TAF1: variants seen among roughly 807,000 people sequenced by gnomAD.
TAF1 encodes transcription initiation factor TFIID subunit 1.
TAF1 carries 2 observed loss-of-function variants against 138.5 expected under a neutral mutation model. The observed-to-expected ratio is 0.01, with a 90% confidence interval of 0.01 to 0.05. The LOEUF is 0.05. TAF1 is among the 10% of genes least tolerant of loss of function. The pLI is 1.00. For missense variants in TAF1, 709 were observed against 1,478.0 expected, an observed-to-expected ratio of 0.48 and a Z score of 8.53; for synonymous variants, 437 against 503.2, an observed-to-expected ratio of 0.87 and a Z score of 1.76.
intron 32 of TAF1, among the ~76,000 whole-genome samples, chrX:71,426,991 G>A (rs2036625187): frequency 8.9e-6 from 1 of 112,060 alleles, no homozygotes. Flanking sequence ...ATGATTATAA[G>A]ACTTTTCTCC....
chrX:71,406,110 C>T (rs767677995), intron 25 of TAF1, among the ~76,000 whole-genome samples: 1 of 110,174 alleles, frequency 9.1e-6, no homozygotes, highest in Admixed American at 9.7e-5. Flanking sequence ...GGGTGGATCA[C>T]TTGAGGTCAG....
At position 71,493,105 on chromosome X, in the gene TAF1, G is replaced by A. The variant is rs746537940; in HGVS notation, c.1366+32302G>A. The stretch of plus-strand genomic sequence containing the variant: ...GCGATCTTGGCTCACCACAACCTCC[G>A]CCTCCCGGGTTCAAGCGATTCTCCT... On this transcript the variant is annotated intron_variant and NMD_transcript_variant, in intron 13 of 14. Coordinates refer to the TAF1 transcript ENST00000373775. 9.1e-5 allele frequency: 10 copies of A among 109,735 alleles called. 1 individual carries two copies. In the South Asian group the frequency reaches 2.8e-3, roughly 30 times the overall value. The allele number at this position is 109,735 out of a possible 1,213,427, so 9.0% of individuals were successfully genotyped here. A position where few individuals can be genotyped will look rare whatever the true frequency, so the allele number is the denominator to read the frequency against.
At chrX:71,458,499 T>C (rs1317580747) in intron 35 of TAF1, 133 bp downstream of exon 35, 4 of 902,758 alleles carry the variant, frequency 4.4e-6, no homozygotes, top group Admixed American at 7.6e-5. Flanking sequence ...AATGAAAGCT[T>C]AGAAATGGGA....
intron 14 of TAF1, among the ~76,000 whole-genome samples, chrX:71,386,355 A>G (rs892333639): frequency 9.0e-6 from 1 of 111,030 alleles, no homozygotes; most frequent in Non-Finnish European, 1.9e-5. Flanking sequence ...CTCTACTTAA[A>G]CTGGCTCAAA....
intron 8 of TAF1, among the ~76,000 whole-genome samples, chrX:71,380,838 G>A (rs962140962): frequency 9.0e-6 from 1 of 111,314 alleles, no homozygotes; most frequent in African/African-American, 3.3e-5. Context: ...TTATAGGCGT[G>A]CACCGCTGTG....
At chrX:71,495,142 C>G (rs1602845408) in intron 13 of TAF1, among the ~76,000 whole-genome samples, 1 of 111,957 alleles carries the variant, frequency 8.9e-6, no homozygotes, top group Middle Eastern at 4.6e-3. Context: ...AATGACCGCT[C>G]TAACTACTTC....
chrX:71,467,412 A>G (rs1023798603), downstream of TAF1, among the ~76,000 whole-genome samples: 8 of 110,777 alleles, frequency 7.2e-5, no homozygotes, highest in East Asian at 2.8e-4. Flanking sequence ...CTGGCTTCCA[A>G]TCCTTTTCTA....
chrX:71,452,948 G>C (rs926293598), intron 32 of TAF1, among the ~76,000 whole-genome samples: 1 of 111,995 alleles, frequency 8.9e-6, no homozygotes, highest in African/African-American at 3.2e-5. Flanking sequence ...GCAATCGCAG[G>C]CACTCGGCAG....
intron 13 of TAF1, among the ~76,000 whole-genome samples, chrX:71,483,423 C>CT (rs111698692): frequency 1.3e-3 from 127 of 99,208 alleles, no homozygotes; most frequent in African/African-American, 2.4e-3. Context: ...TCCATAACAT[C>CT]TTTTTTTTTT....
At chrX:71,383,940 G>A in intron 12 of TAF1, 22 bp from the exon 13 acceptor site, 1 of 1,201,994 alleles carries the variant, frequency 8.3e-7, no homozygotes, top group South Asian at 1.8e-5. Context: ...GAGCTAGATG[G>A]TATTTTCTTT....
intron 8 of TAF1, among the ~76,000 whole-genome samples, chrX:71,380,879 C>T (rs1249733659): frequency 3.6e-5 from 4 of 110,906 alleles, no homozygotes; most frequent in Admixed American, 9.6e-5. Flanking sequence ...TTAGTAGAGA[C>T]GGGGTTTCAC....
chrX:71,388,071 C>T (rs775775325), intron 15 of TAF1, among the ~76,000 whole-genome samples, 166 bp from the exon 16 acceptor site: 2 of 112,538 alleles, frequency 1.8e-5, no homozygotes, highest in Non-Finnish European at 3.8e-5. Context: ...CTGCACTCTA[C>T]TCTGGGTGAC....
intron 32 of TAF1, among the ~76,000 whole-genome samples, chrX:71,451,353 A>C (rs753831273): frequency 8.9e-6 from 1 of 112,257 alleles, no homozygotes; most frequent in South Asian, 3.6e-4. Context: ...CAAAGAAATA[A>C]ATGTAAAAGA....
intron 25 of TAF1, among the ~76,000 whole-genome samples, chrX:71,404,088 C>T (rs1030274864): frequency 2.2e-4 from 24 of 108,800 alleles, no homozygotes; most frequent in African/African-American, 8.0e-4. Flanking sequence ...ATTCTCCTGC[C>T]TCAGCCTCCC....
At chrX:71,463,760 G>GA in intron 37 of TAF1, 64 bp from the exon 38 acceptor site, 1 of 1,088,479 alleles carries the variant, frequency 9.2e-7, no homozygotes, top group African/African-American at 1.8e-5. Context: ...GTGGCACTGA[G>GA]AATGGGAATG....
chrX:71,469,912 G>A (rs1187792779), downstream of TAF1, among the ~76,000 whole-genome samples: 3 of 111,450 alleles, frequency 2.7e-5, no homozygotes, highest in African/African-American at 9.8e-5. Context: ...TGTTGGTCAG[G>A]CTGGTCTTGA....
chrX:71,421,900 A>G (rs1361935365), intron 29 of TAF1, among the ~76,000 whole-genome samples: 1 of 112,467 alleles, frequency 8.9e-6, no homozygotes, highest in East Asian at 2.7e-4. Context: ...CTAGCCAGTA[A>G]ACACGGAAAG....
chrX:71,473,815 G>C (rs1199853380), intron 13 of TAF1, among the ~76,000 whole-genome samples: 1 of 110,743 alleles, frequency 9.0e-6, no homozygotes, highest in Non-Finnish European at 1.9e-5. Context: ...GGAAGGTGAG[G>C]GTTGGGGAAA....
intron 32 of TAF1, among the ~76,000 whole-genome samples, chrX:71,452,951 C>T (rs902911935): frequency 8.9e-6 from 1 of 111,853 alleles, no homozygotes; most frequent in Non-Finnish European, 1.9e-5. Flanking sequence ...ATCGCAGGCA[C>T]TCGGCAGGCT....
Sources: allele counts gnomAD v4.1 joint callset (sites outside exome capture counted in the v4.1 genomes callset), GRCh38; gene constraint gnomAD v4.1.1; transcripts MANE v1.5; gene names NCBI Gene and HGNC (gene_info 2026-07-23, HGNC 2026-07-21).